CARMIL3: variants seen among roughly 807,000 people sequenced by gnomAD.
CARMIL3 encodes capping protein regulator and myosin 1 linker 3, also known as capping protein, Arp2/3 and myosin-I linker protein 3.
CARMIL3 carries 88 observed loss-of-function variants against 180.8 expected under a neutral mutation model. The observed-to-expected ratio is 0.49, with a 90% confidence interval of 0.41 to 0.58. The LOEUF is 0.58. CARMIL3 is among the 20% of genes least tolerant of loss of function. The pLI is 0.00. For missense variants in CARMIL3, 1,548 were observed against 1,787.0 expected (o/e 0.87, Z 2.41); for synonymous variants, 696 against 714.5 (o/e 0.97, Z 0.41).
rs879829201 is a variant in CARMIL3 at position 24,052,630 on chromosome 14, G to A, written c.40+437G>A. 7.9e-5 allele frequency among the ~76,000 whole-genome samples: 12 copies of A among 152,282 alleles called. No homozygotes were observed. In the South Asian group the frequency reaches 2.5e-3, roughly 32 times the overall value. On this transcript the variant is annotated intron_variant, in intron 1 of 39. Coordinates refer to ENST00000342740, the MANE Select transcript of CARMIL3 (RefSeq NM_138360.4). Reference sequence around the variant, plus strand: ...TAACACCCTCCCTCCTCCCGGCCCCGCCCCGGAACTGGCCCTGAAGAGCCC... The same window carrying A: ...TAACACCCTCCCTCCTCCCGGCCCCACCCCGGAACTGGCCCTGAAGAGCCC...
rs375409672 is a variant in CARMIL3 at position 24,057,831 on chromosome 14, G to T, written c.1169G>T (p.Cys390Phe). The change falls in exon 15 of 40, where the codon TGC becomes TTC. Residue 390 changes from cysteine (C) to phenylalanine (F), a missense_variant. Transcript: ENST00000342740. ...CTCGGTGCCCTGCTCCACGGCTGCT[G>T]CTCCCACCTCACCTACCTCAACCTG... ...LLLGALLHGC[C>F]SHLTYLNLAR... is the part of the protein sequence containing the mutation. 6 of 1,610,852 alleles carry T rather than the reference G, an allele frequency of 3.7e-6. No homozygotes were observed. In the African/African-American group the frequency reaches 6.7e-5, roughly 18 times the overall value.
chr14:24,068,435 A>AAAAGG, intron 36 of CARMIL3, 149 bp from the exon 37 acceptor site: 1 of 600,464 alleles, frequency 1.7e-6, no homozygotes, highest in Non-Finnish European at 2.8e-6. Flanking sequence ...AAAGAAAAAA[A>AAAAGG]AAAGGCACAT....
chr14:24,055,449 G>C (rs2035662589), intron 8 of CARMIL3, 94 bp from the exon 9 acceptor site: 1 of 1,511,622 alleles, frequency 6.6e-7, no homozygotes, highest in Non-Finnish European at 9.2e-7. Context: ...ACCCATTTAG[G>C]CCTTCCCCAG....
intron 12 of CARMIL3, 59 bp from the exon 13 acceptor site, chr14:24,056,856 G>A (rs2035676722): frequency 9.6e-6 from 15 of 1,569,482 alleles, no homozygotes; most frequent in African/African-American, 1.4e-5. Context: ...GAAGAGTTAT[G>A]TGCTGAGGGG....
chr14:24,069,349 A>G, intron 39 of CARMIL3, 30 bp from the exon 40 acceptor site: 1 of 1,614,104 alleles, frequency 6.2e-7, no homozygotes, highest in South Asian at 1.1e-5. Flanking sequence ...CTGCCCAGGA[A>G]ACAGGGCTCC....
In CARMIL3 at chr14:24,055,789, C is replaced by T. The variant is rs1033078413; in HGVS notation, c.770C>T (p.Thr257Met). Reference sequence around the variant, plus strand: ...GTGCTGGACAACGCCGGGCTTAAGACGTGAGGCCAGTCTCCTCCTTGGGCA... The same window carrying T: ...GTGCTGGACAACGCCGGGCTTAAGATGTGAGGCCAGTCTCCTCCTTGGGCA... ...ELVLDNAGLK[T>M]DFVQKLAGVF... The change falls in exon 10 of 40, where the codon ACG (threonine) becomes ATG (methionine). Residue 257 changes from threonine (T) to methionine (M), a missense_variant and splice_region_variant. Thr to Met is a moderately conservative substitution (Grantham distance 81). This residue lies in a region of CARMIL3 where 578 missense variants were observed against 666.5 expected (regional missense o/e 0.87). Transcript: ENST00000342740. 1.9e-6 allele frequency: 3 copies of T among 1,613,918 alleles called. No homozygotes were observed. Among genetic ancestry groups the T allele is most frequent in the African/African-American group, 1.3e-5 (1 of 75,022 alleles).
In CARMIL3 at chr14:24,069,522, A is replaced by G; in HGVS notation, c.*118A>G. On this transcript the variant is annotated 3_prime_UTR_variant, in exon 40 of 40. Coordinates refer to ENST00000342740, the MANE Select transcript of CARMIL3 (RefSeq NM_138360.4). ...CCCTGTCCTACAGGGGCAAGACGGC[A>G]GGACCAGGCATGGGGGAGCTGGAGG... The G allele has an allele frequency of 7.4e-7, 1 of 1,360,534 alleles. No homozygotes were observed. Among genetic ancestry groups the G allele is most frequent in the Non-Finnish European group, 1.0e-6 (1 of 980,266 alleles). The allele number at this position is 1,360,534 out of a possible 1,614,324, so 84.3% of individuals were successfully genotyped here.
rs2035838292 is a variant in CARMIL3, at chr14:24,069,419, C to A, written c.*15C>A. On this transcript the variant is annotated 3_prime_UTR_variant, in exon 40 of 40. Coordinates refer to ENST00000342740, the MANE Select transcript of CARMIL3 (RefSeq NM_138360.4). ...GAACAGACTGACAACTGCCACAACA[C>A]CCTCCTCAGCCCTCGACATGTGCCT... The A allele has an allele frequency of 6.2e-7, 1 of 1,614,150 alleles. No individual in the cohort carries two copies. The highest frequency in any genetic ancestry group is 8.5e-7 in the Non-Finnish European group (1 of 1,180,010).
chr14:24,054,673 T>C lies in CARMIL3; in HGVS notation c.363-38T>C, dbSNP rs2035654079. 1.3e-6 allele frequency: 2 copies of C among 1,589,696 alleles called. No individual in the cohort carries two copies. The highest frequency in any genetic ancestry group is 1.7e-6 in the Non-Finnish European group (2 of 1,160,102). ...TAACGTGGGAAGAACTGAGAGCCTC[T>C]TTCCAGCCCTCTCTGGAATGACTTG... On this transcript the variant is annotated intron_variant, in intron 5 of 39. Coordinates refer to ENST00000342740, the MANE Select transcript of CARMIL3 (RefSeq NM_138360.4). This position sits in a 1 kb window ranked among gnomAD's most constrained non-coding sequence, Gnocchi z 5.1.
chr14:24,057,723 GGGGA>G, intron 14 of CARMIL3, 76 bp from the exon 15 acceptor site: 1 of 1,229,770 alleles, frequency 8.1e-7, no homozygotes, highest in Non-Finnish European at 1.2e-6. Flanking sequence ...GAACCTCGAT[GGGGA>G]GGGAGGGGGA....
intron 31 of CARMIL3, among the ~76,000 whole-genome samples, chr14:24,064,029 G>T (rs1282377247): frequency 6.6e-6 from 1 of 151,712 alleles, no homozygotes; most frequent in Non-Finnish European, 1.5e-5. Flanking sequence ...AGGAGGCGGA[G>T]GTTGCAGTGA....
In CARMIL3 at chr14:24,055,113, C is replaced by T. The variant is rs201794710; in HGVS notation, c.508C>T (p.His170Tyr). 1 of 1,613,838 alleles carries T rather than the reference C, an allele frequency of 6.2e-7. No individual in the cohort carries two copies. Among genetic ancestry groups the T allele is most frequent in the Non-Finnish European group, 8.5e-7 (1 of 1,180,038 alleles). Residue 170 changes from histidine (H) to tyrosine (Y), a missense_variant, in exon 7 of 40, where the codon CAC becomes TAC. This residue lies in a region of CARMIL3 where 578 missense variants were observed against 666.5 expected (regional missense o/e 0.87). Coordinates refer to ENST00000342740, the MANE Select transcript of CARMIL3 (RefSeq NM_138360.4). The stretch of plus-strand genomic sequence containing the variant: ...TGCTCTGTGTGACTACAATGGGCTA[C>T]ACTGCCGTGAGGAGGTTCAATGGGT... ...YAALCDYNGL[H>Y]CREEVQWDVD...
In CARMIL3 at chr14:24,068,940, A is replaced by G. The variant is rs138243600; in HGVS notation, c.3956A>G (p.Gln1319Arg). The change falls in exon 38 of 40, where the codon CAA (glutamine) becomes CGA (arginine). Residue 1319 changes from glutamine (Q) to arginine (R), a missense_variant. Physicochemically the swap from Gln to Arg is conservative, Grantham distance 43. This residue lies in a region of CARMIL3 where 668 missense variants were observed against 687.8 expected (regional missense o/e 0.97). Coordinates refer to ENST00000342740, the MANE Select transcript of CARMIL3 (RefSeq NM_138360.4). ...NKPRLRLSSQ[Q>R]DQEEPEVQGP... is the part of the protein sequence containing the mutation. ...CCCCGGCTGAGGCTGAGCTCACAGCAAGACCAAGAGGAGCCCGAAGTCCAA... is the reference window on the plus strand; with the variant it reads ...CCCCGGCTGAGGCTGAGCTCACAGCGAGACCAAGAGGAGCCCGAAGTCCAA... The G allele has an allele frequency of 7.0e-5, 110 of 1,576,290 alleles. No individual in the cohort carries two copies. In the African/African-American group the frequency reaches 1.4e-3, roughly 20 times the overall value.
intron 31 of CARMIL3, 79 bp from the exon 32 acceptor site, chr14:24,064,157 TCCAAGCCCAA>T: frequency 2.4e-6 from 2 of 828,878 alleles, no homozygotes; most frequent in Non-Finnish European, 3.9e-6. Flanking sequence ...TCCATAAATG[TCCAAGCCCAA>T]AGGGGAATGC....
chr14:24,059,577 C>A lies in CARMIL3; in HGVS notation c.1800-87C>A, dbSNP rs2035710925. 6.5e-7 allele frequency: 1 copy of A among 1,545,844 alleles called. No individual in the cohort carries two copies. Among genetic ancestry groups the A allele is most frequent in the African/African-American group, 1.4e-5 (1 of 73,384 alleles). On this transcript the variant is annotated intron_variant, in intron 21 of 39. Coordinates refer to ENST00000342740, the MANE Select transcript of CARMIL3 (RefSeq NM_138360.4). This position sits in a 1 kb window ranked among gnomAD's most constrained non-coding sequence, Gnocchi z 6.3. ...AGCCCCAGAACCATCTCTGAGTCAGCCTTATTGCCCCAAGAGGTTTGTGTC... is the reference window on the plus strand; with the variant it reads ...AGCCCCAGAACCATCTCTGAGTCAGACTTATTGCCCCAAGAGGTTTGTGTC...
intron 31 of CARMIL3, among the ~76,000 whole-genome samples, chr14:24,064,026 G>A (rs1227755523): frequency 2.0e-5 from 3 of 151,716 alleles, no homozygotes; most frequent in Non-Finnish European, 2.9e-5. Flanking sequence ...CCCAGGAGGC[G>A]GAGGTTGCAG....
rs1480876497 is a variant in CARMIL3 at position 24,059,256 on chromosome 14, C to T, written c.1627-14C>T. ...GCTGTGGGGACTGGGTCCAACCGCC[C>T]CTTGCCCACACAGTCCCTGCAGTCA... On this transcript the variant is annotated splice_polypyrimidine_tract_variant and intron_variant, in intron 20 of 39. Transcript: ENST00000342740. This position sits in a 1 kb window ranked among gnomAD's most constrained non-coding sequence, Gnocchi z 6.3. 2 of 1,613,856 alleles carry T rather than the reference C, an allele frequency of 1.2e-6. No individual in the cohort carries two copies. Among genetic ancestry groups the T allele is most frequent in the Non-Finnish European group, 1.7e-6 (2 of 1,179,968 alleles).
chr14:24,064,495 C>G, intron 32 of CARMIL3, 149 bp downstream of exon 32: 1 of 660,870 alleles, frequency 1.5e-6, no homozygotes, highest in African/African-American at 1.8e-5. Context: ...CATCCTTCCC[C>G]ACCCAGCCCT....
Position 24,052,122 on chromosome 14 carries a change from C to G in CARMIL3, c.-32C>G. ...CGGCTCCCCGGCGGCGGCGGCGGCT[C>G]CTCTGCAGCAGCCTCAGCAGCAGCG... On this transcript the variant is annotated 5_prime_UTR_variant, in exon 1 of 40. Coordinates refer to ENST00000342740, the MANE Select transcript of CARMIL3 (RefSeq NM_138360.4). 6.5e-7 allele frequency: 1 copy of G among 1,549,912 alleles called. No homozygotes were observed. Among genetic ancestry groups the G allele is most frequent in the Non-Finnish European group, 8.7e-7 (1 of 1,154,200 alleles).
Sources: gnomAD v4.1 joint callset for allele counts (sites outside exome capture counted in the v4.1 genomes callset) on GRCh38, gnomAD v4.1.1 for gene constraint, gnomAD v4.1.1 regional missense constraint, Gnocchi (gnomAD v3.1) non-coding constraint, MANE v1.5 for transcripts, NCBI Gene and HGNC (gene_info 2026-07-23, HGNC 2026-07-21) for gene names.